The following GPHN variants were observed in gnomAD, a reference collection of about 807,000 sequenced individuals.
GPHN encodes the protein gephyrin.
In GPHN, 17 loss-of-function variants were observed where a neutral mutation model predicts 95.5. The ratio of observed to expected loss-of-function variants is 0.18; its 90% CI spans 0.12 to 0.27. The LOEUF (loss-of-function observed/expected upper bound fraction) is 0.27. Among genes scored for constraint, GPHN ranks in the 10% least tolerant of loss-of-function variants. The pLI, the probability that GPHN is intolerant of heterozygous loss-of-function variation, is 1.00. For synonymous variants in GPHN, 320 were observed against 322.5 expected, an observed-to-expected ratio of 0.99 and a Z score of 0.08; for missense variants, 660 against 978.1, an observed-to-expected ratio of 0.67 and a Z score of 4.34.
chr14:66,940,996 A>G (rs1035221249), intron 8 of GPHN, among the ~76,000 whole-genome samples: 16 of 152,218 alleles, frequency 1.1e-4, no homozygotes, highest in African/African-American at 3.9e-4. Flanking sequence ...TTTCCCAAAA[A>G]GGAAACCTGG....
chr14:66,553,180 G>C (rs541779309), intron 1 of GPHN, among the ~76,000 whole-genome samples: 16 of 151,994 alleles, frequency 1.1e-4, no homozygotes, highest in African/African-American at 3.6e-4. Flanking sequence ...TATTAGAGAA[G>C]GGGTTTTACC....
At chr14:66,924,682 T>C (rs2153562475) in intron 8 of GPHN, among the ~76,000 whole-genome samples, 1 of 152,282 alleles carries the variant, frequency 6.6e-6, no homozygotes, top group South Asian at 2.1e-4. Flanking sequence ...GTCAAGCAAA[T>C]AGTTGATTTG....
intron 11 of GPHN, among the ~76,000 whole-genome samples, chr14:67,059,669 T>C (rs1040858719): frequency 6.6e-6 from 1 of 152,208 alleles, no homozygotes; most frequent in East Asian, 1.9e-4. Flanking sequence ...TACTACATAA[T>C]TGTGCTCTTC....
At chr14:67,445,737 A>G in the GPHN span, among the ~76,000 whole-genome samples, 2 of 151,432 alleles carry the variant, frequency 1.3e-5, no homozygotes, top group East Asian at 3.9e-4. Context: ...GATGAGTGCC[A>G]CTACACCTGG....
the GPHN span, among the ~76,000 whole-genome samples, chr14:67,492,997 G>A: frequency 1.3e-4 from 20 of 152,192 alleles, no homozygotes; most frequent in African/African-American, 3.9e-4. Flanking sequence ...GATGCTGGAA[G>A]GTGAGTCTTA....
At chr14:67,115,875 A>G (rs908707294) in intron 16 of GPHN, among the ~76,000 whole-genome samples, 4 of 152,248 alleles carry the variant, frequency 2.6e-5, no homozygotes, top group Admixed American at 2.0e-4. Context: ...AACTTGCCCC[A>G]GTATTTTATT....
At chr14:67,170,917 G>A (rs1167652494) in intron 21 of GPHN, among the ~76,000 whole-genome samples, 1 of 152,164 alleles carries the variant, frequency 6.6e-6, no homozygotes, top group Non-Finnish European at 1.5e-5. Context: ...ACTTATTACT[G>A]TTCTTCAGAA....
intron 17 of GPHN, among the ~76,000 whole-genome samples, chr14:67,140,964 G>C (rs1206253763): frequency 6.9e-6 from 1 of 145,118 alleles, no homozygotes; most frequent in Non-Finnish European, 1.5e-5. Context: ...GTTTAACTTT[G>C]AAATTTATGT....
At chr14:66,999,654 T>TG (rs1470380897) in intron 9 of GPHN, among the ~76,000 whole-genome samples, 1 of 151,482 alleles carries the variant, frequency 6.6e-6, no homozygotes, top group African/African-American at 2.4e-5. Context: ...TCAAGCAAAG[T>TG]GAAAAAAAAA....
At chr14:66,667,811 A>C (rs1305531458) in intron 1 of GPHN, among the ~76,000 whole-genome samples, 1 of 152,242 alleles carries the variant, frequency 6.6e-6, no homozygotes, top group Non-Finnish European at 1.5e-5. Flanking sequence ...ATGGGATCTA[A>C]GCTTCTGCAC....
chr14:67,062,919 A>G (rs937014922), intron 11 of GPHN, among the ~76,000 whole-genome samples: 9 of 152,094 alleles, frequency 5.9e-5, no homozygotes, highest in African/African-American at 2.2e-4. Flanking sequence ...AAAGTTCTTT[A>G]GTTTAATTAG....
intron 10 of GPHN, among the ~76,000 whole-genome samples, chr14:67,049,633 C>T (rs1003728270): frequency 2.0e-5 from 3 of 151,896 alleles, no homozygotes; most frequent in Non-Finnish European, 4.4e-5. Context: ...CTGCCTCAGC[C>T]TCCCGAGTAG....
At chr14:66,583,970 C>T (rs1234369867) in intron 1 of GPHN, among the ~76,000 whole-genome samples, 2 of 151,990 alleles carry the variant, frequency 1.3e-5, no homozygotes, top group African/African-American at 4.8e-5. Flanking sequence ...TATAAATTAC[C>T]TTGGGCAGTA....
At chr14:67,550,685 C>G in the GPHN span, among the ~76,000 whole-genome samples, 1 of 152,126 alleles carries the variant, frequency 6.6e-6, no homozygotes, top group Non-Finnish European at 1.5e-5. Flanking sequence ...GTGGCCAGAT[C>G]TTTTGATTTT....
chr14:67,428,489 T>C, the GPHN span, among the ~76,000 whole-genome samples: 1 of 152,254 alleles, frequency 6.6e-6, no homozygotes, highest in East Asian at 1.9e-4. Context: ...ACCATTGCAT[T>C]ACCTTGTTTC....
chr14:67,662,907 A>C, the GPHN span: 1 of 1,153,032 alleles, frequency 8.7e-7, no homozygotes, highest in Non-Finnish European at 1.1e-6. Flanking sequence ...TGTCTCAAAA[A>C]AAAAAAAAAA....
At chr14:67,011,834 T>TTATATATATA (rs375784376) in intron 9 of GPHN, among the ~76,000 whole-genome samples, 3,613 of 148,022 alleles carry the variant, frequency 0.024, 67 homozygotes, top group Non-Finnish European at 0.036. Context: ...TACACAGATT[T>TTATATATATA]TATATATATA....
chr14:66,726,498 G>A (rs1032292193), intron 2 of GPHN, among the ~76,000 whole-genome samples: 1 of 152,116 alleles, frequency 6.6e-6, no homozygotes, highest in African/African-American at 2.4e-5. Context: ...GCATTTGCTA[G>A]AGCAGTCTTC....
intron 3 of GPHN, among the ~76,000 whole-genome samples, chr14:66,783,727 A>T (rs946156035): frequency 1.3e-5 from 2 of 152,190 alleles, no homozygotes; most frequent in African/African-American, 4.8e-5. Context: ...GAGCAAGGTA[A>T]TGTCAACTTT....
Sources: allele counts gnomAD v4.1 joint callset (sites outside exome capture counted in the v4.1 genomes callset), GRCh38; gene constraint gnomAD v4.1.1; transcripts MANE v1.5; gene names NCBI Gene and HGNC (gene_info 2026-07-23, HGNC 2026-07-21).